Variants in ACTN4 observed in about 807,000 individuals in gnomAD.
ACTN4 encodes the protein actinin alpha 4.
Under a neutral mutation model 114.2 loss-of-function variants are expected in ACTN4, and 18 were observed. The observed-to-expected ratio is 0.16, with a 90% CI of 0.11 to 0.23. The LOEUF is 0.23. Ranked by LOEUF, ACTN4 falls within the 10% of genes least tolerant of loss-of-function variation. The probability of loss-of-function intolerance (pLI) is 1.00; values close to 1 mark genes in which losing one functional copy is unlikely to be tolerated. For synonymous variants in ACTN4, 515 were observed against 506.3 expected, an observed-to-expected ratio of 1.02 and a Z score of -0.23; for missense variants, 722 against 1,262.9, an observed-to-expected ratio of 0.57 and a Z score of 6.49.
rs372638469 is a variant in ACTN4 at position 38,731,149 on chromosome 19, C to G, written c.*1717C>G. Reference sequence around the variant, plus strand: ...TGGGCCACACAGGACACGAACCGCTCGAAGTCCACACGCAGACGGCTATCC... The same window carrying G: ...TGGGCCACACAGGACACGAACCGCTGGAAGTCCACACGCAGACGGCTATCC... On this transcript the variant is annotated 3_prime_UTR_variant, in exon 21 of 21. Coordinates refer to ENST00000252699, the MANE Select transcript of ACTN4 (RefSeq NM_004924.6). 3.7e-6 allele frequency: 6 copies of G among 1,613,104 alleles called. No homozygotes were observed. Among genetic ancestry groups the G allele is most frequent in the South Asian group, 1.1e-5 (1 of 91,046 alleles).
At chr19:38,728,953 C>T in intron 19 of ACTN4, 43 bp from the exon 20 acceptor site, 2 of 1,610,830 alleles carry the variant, frequency 1.2e-6, no homozygotes, top group Non-Finnish European at 8.5e-7. Flanking sequence ...TGCCCCTGCC[C>T]CACTAAATGT....
chr19:38,709,209 G>A (rs903717781), intron 6 of ACTN4, among the ~76,000 whole-genome samples, 186 bp from the exon 7 acceptor site: 12 of 152,214 alleles, frequency 7.9e-5, no homozygotes, highest in Non-Finnish European at 1.5e-4. Flanking sequence ...GCACTCCTGT[G>A]AGTGGGAATT....
intron 3 of ACTN4, 93 bp from the exon 4 acceptor site, chr19:38,704,841 A>G (rs892619739): frequency 3.5e-6 from 4 of 1,145,256 alleles, no homozygotes; most frequent in Non-Finnish European, 5.3e-6. Context: ...GCCTTTCTCT[A>G]GATGGGGCTG....
Position 38,647,854 on chromosome 19 carries a change from G to T in ACTN4, c.109G>T (p.Asp37Tyr). Residue 37 changes from aspartate (D) to tyrosine (Y), a missense_variant, in exon 1 of 21, where the codon GAC becomes TAC. By Grantham distance (160) the Asp-to-Tyr change is radical (BLOSUM62 -3). This residue lies in a region of ACTN4 where 72 missense variants were observed against 75.6 expected (regional missense o/e 0.95). Coordinates refer to ENST00000252699, the MANE Select transcript of ACTN4 (RefSeq NM_004924.6). ...SMGDYMAQEDDWDRDLLLDPA... is the reference protein window; with the variant it reads ...SMGDYMAQEDYWDRDLLLDPA... ...GGGCGACTACATGGCCCAGGAGGAC[G>T]ACTGGGACCGGGACCTGCTGCTGGA... 8 of 1,546,190 alleles carry T rather than the reference G, an allele frequency of 5.2e-6. No individual in the cohort carries two copies. Among genetic ancestry groups the T allele is most frequent in the Non-Finnish European group, 7.0e-6 (8 of 1,146,812 alleles).
intron 9 of ACTN4, among the ~76,000 whole-genome samples, chr19:38,714,911 T>C (rs187173940): frequency 4.6e-5 from 7 of 152,174 alleles, no homozygotes; most frequent in South Asian, 2.1e-4. Flanking sequence ...GAGAGAGTGA[T>C]TCAGAAGGAT....
rs1371228769 is a variant in ACTN4 at position 38,673,679 on chromosome 19, T to TATATTTATA, written c.162+25774_162+25775insATTTATAAT. Among the ~76,000 whole-genome samples, 28 of 107,774 alleles carry TATATTTATA rather than the reference T, an allele frequency of 2.6e-4. 7 individuals are homozygous for TATATTTATA. The highest frequency in any genetic ancestry group is 3.4e-4 in the Non-Finnish European group (20 of 58,478). 70.7% of individuals were successfully genotyped at this position (107,774 alleles called of 152,430 possible). A position where few individuals can be genotyped will look rare whatever the true frequency, so the allele number is the denominator to read the frequency against. The stretch of plus-strand genomic sequence containing the variant: ...TTTATATATATTATATATATTTATA[T>TATATTTATA]ATTTATATATATTATATATATTTAT... On this transcript the variant is annotated intron_variant, in intron 1 of 20. Coordinates refer to ENST00000252699, the MANE Select transcript of ACTN4 (RefSeq NM_004924.6).
chr19:38,724,514 G>C lies in ACTN4; in HGVS notation c.1959G>C (p.Gln653His). ...KQQSNEHLRR[Q>H]FASQANVVGP... ...AGTCCAACGAGCACCTGCGCCGCCA[G>C]TTCGCCAGCCAGGCCAATGTTGTGG... The change falls in exon 16 of 21, where the codon CAG becomes CAC. Residue 653 changes from glutamine to histidine, a missense_variant. By Grantham distance (24) the Gln-to-His change is conservative (BLOSUM62 0). Coordinates refer to ENST00000252699, the MANE Select transcript of ACTN4 (RefSeq NM_004924.6). The surrounding 1 kb of genome is among the most constrained non-coding windows in gnomAD (Gnocchi z 7.0). 6.2e-7 allele frequency: 1 copy of C among 1,613,332 alleles called. No individual in the cohort carries two copies. The highest frequency in any genetic ancestry group is 8.5e-7 in the Non-Finnish European group (1 of 1,179,968).
rs767313161 is a variant in ACTN4, at chr19:38,725,704, G to T, written c.2011-20G>T. ...GCAGGCCCACCAGCCTCACCCCACCGCCTGCACCCACCCCCGTAGGAGATC... is the reference window on the plus strand; with the variant it reads ...GCAGGCCCACCAGCCTCACCCCACCTCCTGCACCCACCCCCGTAGGAGATC... On this transcript the variant is annotated intron_variant, in intron 16 of 20. Transcript: ENST00000252699. 2 of 1,611,796 alleles carry T rather than the reference G, an allele frequency of 1.2e-6. No homozygotes were observed. The highest frequency in any genetic ancestry group is 8.5e-7 in the Non-Finnish European group (1 of 1,179,436).
chr19:38,647,977 C>T (rs1599749968), intron 1 of ACTN4, 70 bp downstream of exon 1: 5 of 1,388,512 alleles, frequency 3.6e-6, no homozygotes, highest in South Asian at 3.1e-5. Flanking sequence ...GTGGGAGGTC[C>T]TGAAAGGTAA....
At chr19:38,684,982 T>C (rs1049730115) in intron 1 of ACTN4, among the ~76,000 whole-genome samples, 9 of 152,130 alleles carry the variant, frequency 5.9e-5, no homozygotes, top group Non-Finnish European at 1.3e-4. Context: ...AATCTCGCTC[T>C]TTAGCCAGGG....
chr19:38,663,868 G>T (rs1293868296), intron 1 of ACTN4, among the ~76,000 whole-genome samples: 1 of 152,216 alleles, frequency 6.6e-6, no homozygotes, highest in South Asian at 2.1e-4. Flanking sequence ...CCCCAGGTGG[G>T]AGGGGGTGCC....
At chr19:38,662,799 G>T (rs967189658) in intron 1 of ACTN4, among the ~76,000 whole-genome samples, 2 of 152,098 alleles carry the variant, frequency 1.3e-5, no homozygotes, top group Non-Finnish European at 2.9e-5. Flanking sequence ...TGTCTTGGAG[G>T]GGGAGCTGCC....
At chr19:38,720,953 A>C (rs1288043362) in intron 11 of ACTN4, among the ~76,000 whole-genome samples, 1 of 152,250 alleles carries the variant, frequency 6.6e-6, no homozygotes, top group African/African-American at 2.4e-5. Context: ...ATGTGTAATT[A>C]GCCAGGATCA....
At chr19:38,707,993 A>G (rs1968516395) in intron 5 of ACTN4, 124 bp from the exon 6 acceptor site, 3 of 984,370 alleles carry the variant, frequency 3.0e-6, no homozygotes, top group South Asian at 1.3e-5. Flanking sequence ...GTCTCCATGC[A>G]GTGCCTGGCA....
chr19:38,731,451 A>G lies in ACTN4; in HGVS notation c.*2019A>G. The G allele has an allele frequency of 3.4e-6, 2 of 580,922 alleles. No individual in the cohort carries two copies. Among genetic ancestry groups the G allele is most frequent in the South Asian group, 2.0e-5 (1 of 51,122 alleles). 36.0% of individuals were successfully genotyped at this position (580,922 alleles called of 1,614,324 possible). On this transcript the variant is annotated 3_prime_UTR_variant, in exon 21 of 21. Transcript: ENST00000252699. ...CCGACCCCATAGGGTGTGTGAAGAC[A>G]GAACGCTCAGGACAGCGTCTGACAC...
rs780000392 is a variant in ACTN4 at position 38,724,346 on chromosome 19, C to T, written c.1875+7C>T. 1.2e-5 allele frequency: 20 copies of T among 1,613,032 alleles called. No individual in the cohort carries two copies. Among genetic ancestry groups the T allele is most frequent in the East Asian group, 1.1e-4 (5 of 44,876 alleles). ...CAACTCCAAGTGGGAGAAGGTGGGC[C>T]GGGGCCATCCGTAGGGGCTGGGGCA... On this transcript the variant is annotated splice_region_variant and intron_variant, in intron 15 of 20. Transcript: ENST00000252699. The surrounding 1 kb of genome is among the most constrained non-coding windows in gnomAD (Gnocchi z 7.0).
At chr19:38,714,265 G>A (rs1436877301) in intron 8 of ACTN4, among the ~76,000 whole-genome samples, 1 of 152,236 alleles carries the variant, frequency 6.6e-6, no homozygotes, top group Admixed American at 6.5e-5. Flanking sequence ...GGGCTTTCTG[G>A]ACCCAGGGGC....
chr19:38,690,335 G>A (rs1967883634), intron 1 of ACTN4, among the ~76,000 whole-genome samples: 1 of 152,248 alleles, frequency 6.6e-6, no homozygotes, highest in Non-Finnish European at 1.5e-5. Context: ...CCAGCAGGGT[G>A]TCTGCTGCAT....
chr19:38,649,997 G>A (rs555769178), intron 1 of ACTN4, among the ~76,000 whole-genome samples: 43 of 152,156 alleles, frequency 2.8e-4, no homozygotes, highest in Middle Eastern at 3.2e-3. Flanking sequence ...TTTTTGAGGG[G>A]AAGGTGAGAT....
Sources: gnomAD v4.1 joint callset for allele counts (sites outside exome capture counted in the v4.1 genomes callset) on GRCh38, gnomAD v4.1.1 for gene constraint, gnomAD v4.1.1 regional missense constraint, Gnocchi (gnomAD v3.1) non-coding constraint, MANE v1.5 for transcripts, NCBI Gene and HGNC (gene_info 2026-07-23, HGNC 2026-07-21) for gene names.